Variants in MYO16 observed in about 807,000 individuals in gnomAD.
MYO16 encodes the protein unconventional myosin-XVI.
In MYO16, 94 loss-of-function variants were observed where a neutral mutation model predicts 205.3. The observed-to-expected ratio is 0.46, with a 90% confidence interval of 0.39 to 0.54. The LOEUF is 0.54. MYO16 is among the 20% of genes least tolerant of loss of function. The pLI, the probability that MYO16 is intolerant of heterozygous loss-of-function variation, is 0.00. For synonymous variants in MYO16, 988 were observed against 954.0 expected, an observed-to-expected ratio of 1.04 and a Z score of -0.66; for missense variants, 2,315 against 2,387.5, an observed-to-expected ratio of 0.97 and a Z score of 0.63.
At chr13:109,090,222 T>C (rs1430586759) in intron 27 of MYO16, among the ~76,000 whole-genome samples, 1 of 152,170 alleles carries the variant, frequency 6.6e-6, no homozygotes, top group Non-Finnish European at 1.5e-5. Context: ...GTGCAGACCA[T>C]GGTGAGAACT....
the MYO16 span, among the ~76,000 whole-genome samples, chr13:108,565,136 T>C: frequency 6.6e-6 from 1 of 152,196 alleles, no homozygotes; most frequent in Admixed American, 6.5e-5. Context: ...CTATTCTCTA[T>C]ATTTTGTAAC....
intron 4 of MYO16, among the ~76,000 whole-genome samples, chr13:108,767,412 A>AT (rs920918409): frequency 1.3e-5 from 2 of 152,022 alleles, no homozygotes; most frequent in Non-Finnish European, 2.9e-5. Context: ...GTATCTGGGT[A>AT]TTTTTTTAAG....
Position 108,759,598 on chromosome 13 carries a change from G to C in MYO16, c.508-26037G>C, listed in dbSNP as rs181525056. 3.3e-4 allele frequency among the ~76,000 whole-genome samples: 50 copies of C among 152,236 alleles called. 1 individual carries two copies. The East Asian group carries it at 8.7e-3, about 27-fold the overall frequency. Reference sequence around the variant, plus strand: ...GCACTTTGGGAGGCCGAGGTGGGCGGATCACGAGGTCAGGAGATTGAGACC... The same window carrying C: ...GCACTTTGGGAGGCCGAGGTGGGCGCATCACGAGGTCAGGAGATTGAGACC... On this transcript the variant is annotated intron_variant, in intron 4 of 34. Transcript: ENST00000457511.
chr13:108,674,818 G>A (rs981243904), intron 2 of MYO16, among the ~76,000 whole-genome samples: 3 of 152,138 alleles, frequency 2.0e-5, no homozygotes, highest in Non-Finnish European at 4.4e-5. Flanking sequence ...TAACCACTAC[G>A]AATGTCTCCT....
chr13:109,140,226 G>A lies in MYO16; in HGVS notation c.4052-38G>A. On this transcript the variant is annotated intron_variant, in intron 31 of 34. Transcript: ENST00000457511. The surrounding 1 kb of genome is among the most constrained non-coding windows in gnomAD (Gnocchi z 8.0). The stretch of plus-strand genomic sequence containing the variant: ...GGGCTTGGTGGGCACCCGTGGGCCT[G>A]GCCTGGCACCCACTGACCGCGTCCT... The A allele has an allele frequency of 6.3e-7, 1 of 1,593,514 alleles. No individual in the cohort carries two copies. The highest frequency in any genetic ancestry group is 1.3e-5 in the African/African-American group (1 of 74,388).
chr13:108,519,365 G>A, the MYO16 span, among the ~76,000 whole-genome samples: 1 of 152,098 alleles, frequency 6.6e-6, no homozygotes, highest in South Asian at 2.1e-4. Flanking sequence ...GGAACTCAAA[G>A]TTCCCTTTTC....
At chr13:108,694,477 A>G (rs1883015316) in intron 2 of MYO16, among the ~76,000 whole-genome samples, 1 of 151,984 alleles carries the variant, frequency 6.6e-6, no homozygotes, top group South Asian at 2.1e-4. Flanking sequence ...TATTATAATC[A>G]TCCCATTTCC....
intron 21 of MYO16, among the ~76,000 whole-genome samples, chr13:108,992,720 A>G (rs9521117): frequency 0.2 from 30,468 of 152,142 alleles, 3,720 homozygotes; most frequent in Non-Finnish European, 0.27. Flanking sequence ...TGGAAATGCT[A>G]TTTCAACTAG....
In MYO16 at chr13:108,699,076, GTCTCTC is replaced by G. The variant is rs71791844; in HGVS notation, c.293-13569_293-13564del. ...TACTTTTAAAAGACTGTCTCTCTCT[GTCTCTC>G]TCTCTCTCTCTCTCTATATATATAT... On this transcript the variant is annotated intron_variant, in intron 2 of 34. Transcript: ENST00000457511. Among the ~76,000 whole-genome samples, 174 of 147,876 alleles carry G rather than the reference GTCTCTC, an allele frequency of 1.2e-3. 1 individual carries two copies. Among genetic ancestry groups the G allele is most frequent in the Non-Finnish European group, 1.8e-3 (118 of 67,164 alleles).
intron 31 of MYO16, among the ~76,000 whole-genome samples, chr13:109,128,436 A>G (rs756443540): frequency 1.3e-5 from 2 of 152,202 alleles, no homozygotes; most frequent in Non-Finnish European, 2.9e-5. Context: ...ATCTGAGAAC[A>G]TAAGATGAAA....
intron 28 of MYO16, 151 bp from the exon 29 acceptor site, chr13:109,120,219 A>G (rs1484723254): frequency 3.3e-6 from 2 of 598,830 alleles, no homozygotes; most frequent in African/African-American, 1.9e-5. Context: ...GATTAAATGT[A>G]ATAGTGTTTA....
chr13:109,081,254 T>C (rs1234986442), intron 27 of MYO16, among the ~76,000 whole-genome samples: 1 of 152,182 alleles, frequency 6.6e-6, no homozygotes, highest in African/African-American at 2.4e-5. Flanking sequence ...TCAAATAAAA[T>C]CTAACAAAGT....
At chr13:108,931,055 CGCTGG>C (rs1420241416) in intron 16 of MYO16, among the ~76,000 whole-genome samples, 1 of 152,180 alleles carries the variant, frequency 6.6e-6, no homozygotes, top group Non-Finnish European at 1.5e-5. Flanking sequence ...ATGTCTGAAT[CGCTGG>C]GCTCCCCTGT....
chr13:108,993,720 A>T (rs373784293), intron 21 of MYO16, among the ~76,000 whole-genome samples: 10 of 152,212 alleles, frequency 6.6e-5, no homozygotes, highest in African/African-American at 2.4e-4. Flanking sequence ...AAAAGTAATG[A>T]TGAACATAAG....
At chr13:108,715,836 G>T (rs1295085798) in intron 3 of MYO16, among the ~76,000 whole-genome samples, 1 of 152,124 alleles carries the variant, frequency 6.6e-6, no homozygotes, top group Non-Finnish European at 1.5e-5. Flanking sequence ...TAACCCATTT[G>T]TCCAAGCTCT....
At chr13:108,802,632 G>T (rs1460294762) in intron 6 of MYO16, among the ~76,000 whole-genome samples, 1 of 152,058 alleles carries the variant, frequency 6.6e-6, no homozygotes, top group Non-Finnish European at 1.5e-5. Context: ...TGTATTTTTA[G>T]TTTTTTGAGG....
chr13:108,757,664 G>A (rs1885466074), intron 4 of MYO16, among the ~76,000 whole-genome samples: 2 of 151,938 alleles, frequency 1.3e-5, no homozygotes, highest in South Asian at 4.2e-4. Flanking sequence ...AGTGTGTGAT[G>A]TTCCCCTTCC....
chr13:108,960,039 A>G (rs1883522083), intron 17 of MYO16, among the ~76,000 whole-genome samples: 1 of 151,976 alleles, frequency 6.6e-6, no homozygotes, highest in African/African-American at 2.4e-5. Flanking sequence ...TTGGGAGACC[A>G]AGATGAGCGG....
chr13:108,627,159 C>A (rs74117285), upstream of MYO16, among the ~76,000 whole-genome samples: 1 of 151,416 alleles, frequency 6.6e-6, no homozygotes, highest in Non-Finnish European at 1.5e-5. Flanking sequence ...AGTATTAATG[C>A]CTGCATTAGA....
Sources: allele counts gnomAD v4.1 joint callset (sites outside exome capture counted in the v4.1 genomes callset), GRCh38; gene constraint gnomAD v4.1.1; non-coding constraint Gnocchi (gnomAD v3.1); transcripts MANE v1.5; gene names NCBI Gene and HGNC (gene_info 2026-07-23, HGNC 2026-07-21).